FGFRL1: variants seen among roughly 807,000 people sequenced by gnomAD.
FGFRL1 encodes fibroblast growth factor receptor like 1, also known as fibroblast growth factor receptor-like 1.
Under a neutral mutation model 36.8 loss-of-function variants are expected in FGFRL1, and 24 were observed. The ratio of observed to expected loss-of-function variants is 0.65; its 90% CI spans 0.47 to 0.92. FGFRL1 has a LOEUF of 0.92. FGFRL1 is among the 40% of genes least tolerant of loss of function. The pLI is 0.00. For synonymous variants in FGFRL1, 422 were observed against 344.1 expected (o/e 1.23, Z -2.50); for missense variants, 785 against 753.4 (o/e 1.04, Z -0.49).
In FGFRL1 at chr4:1,019,155, T is replaced by C. The variant is rs901226817; in HGVS notation, c.80-3048T>C. 3.3e-5 allele frequency among the ~76,000 whole-genome samples: 5 copies of C among 152,220 alleles called. No homozygotes were observed. In the East Asian group the frequency reaches 7.7e-4, roughly 23 times the overall value. ...GGACCCTTACCTCACCAAGCCTTGC[T>C]TGTATCTGCCTGGGGCAGGGTGGGG... On this transcript the variant is annotated intron_variant, in intron 2 of 6. Coordinates refer to ENST00000510644, the MANE Select transcript of FGFRL1 (RefSeq NM_001004356.3).
chr4:1,024,279 A>T (rs757380523), intron 5 of FGFRL1, 32 bp from the exon 6 acceptor site: 2 of 1,556,406 alleles, frequency 1.3e-6, no homozygotes, highest in South Asian at 2.4e-5. Context: ...GGCGCGGCCC[A>T]GGAGCCATGC....
chr4:1,010,429 C>T (rs1046365526), upstream of FGFRL1, among the ~76,000 whole-genome samples: 1 of 152,248 alleles, frequency 6.6e-6, no homozygotes, highest in African/African-American at 2.4e-5. Flanking sequence ...GTAGTTCGGG[C>T]CTTGAGGAGT....
chr4:1,014,397 G>C (rs193267314), intron 2 of FGFRL1, among the ~76,000 whole-genome samples: 1 of 152,144 alleles, frequency 6.6e-6, no homozygotes, highest in Non-Finnish European at 1.5e-5. Flanking sequence ...GAAGGAAGTC[G>C]TTTCAGGGCT....
intron 2 of FGFRL1, among the ~76,000 whole-genome samples, chr4:1,015,622 G>A (rs1715848342): frequency 6.6e-6 from 1 of 152,238 alleles, no homozygotes; most frequent in Admixed American, 6.5e-5. Context: ...TGCCCATCTT[G>A]GCAGAAGGCT....
intron 1 of FGFRL1, 69 bp from the exon 2 acceptor site, chr4:1,012,401 G>T: frequency 6.5e-7 from 1 of 1,545,974 alleles, no homozygotes; most frequent in Non-Finnish European, 8.7e-7. Flanking sequence ...TGATCCCCGC[G>T]GCCCGGGACC....
rs1006853784 is a variant in FGFRL1, at chr4:1,023,096, C to G, written c.353-545C>G. Among the ~76,000 whole-genome samples the G allele has an allele frequency of 6.6e-6, 1 of 152,112 alleles. No homozygotes were observed. Reference sequence around the variant, plus strand: ...TACAGGAGCCTGGCCCAGGCCCCAGCAGGGTCTGGGGGTGCGGCCTGAGAC... The same window carrying G: ...TACAGGAGCCTGGCCCAGGCCCCAGGAGGGTCTGGGGGTGCGGCCTGAGAC... On this transcript the variant is annotated intron_variant, in intron 3 of 6. Transcript: ENST00000510644. The surrounding 1 kb of genome is among the most constrained non-coding windows in gnomAD (Gnocchi z 6.0).
At position 1,022,375 on chromosome 4, in the gene FGFRL1, G is replaced by T. The variant is rs748603105; in HGVS notation, c.252G>T (p.Leu84=). 3.1e-6 allele frequency: 5 copies of T among 1,610,946 alleles called. No individual in the cohort carries two copies. The highest frequency in any genetic ancestry group is 1.7e-4 in the Middle Eastern group (1 of 6,032). The change falls in exon 3 of 7, where the codon CTG becomes CTT. Residue 84 remains leucine (L), a synonymous_variant. Transcript: ENST00000510644. ...GCTTCCGCGTGCTGCCGCAGGGGCT[G>T]AAGGTGAAGCAGGTGGAGCGGGAGG... ...WSRFRVLPQG[L]KVKQVEREDA... is the part of the protein sequence containing the mutation.
rs560907606 is a variant in FGFRL1 at position 1,012,608 on chromosome 4, G to A, written c.79+44G>A. On this transcript the variant is annotated intron_variant, in intron 2 of 6. Transcript: ENST00000510644. Reference sequence around the variant, plus strand: ...CCCGGCCAGCCTGGCCTCCGCCAGCGCCGCCCCCTTCCCGCCCGGCCCTGA... The same window carrying A: ...CCCGGCCAGCCTGGCCTCCGCCAGCACCGCCCCCTTCCCGCCCGGCCCTGA... 37 of 938,426 alleles carry A rather than the reference G, an allele frequency of 3.9e-5. No homozygotes were observed. In the East Asian group the frequency reaches 9.4e-4, roughly 24 times the overall value. 58.1% of individuals were successfully genotyped at this position (938,426 alleles called of 1,614,324 possible).
At chr4:1,013,030 C>T (rs1715687628) in intron 2 of FGFRL1, among the ~76,000 whole-genome samples, 1 of 152,108 alleles carries the variant, frequency 6.6e-6, no homozygotes, top group Non-Finnish European at 1.5e-5. Flanking sequence ...TGAAACTGAC[C>T]CCCAGACCCC....
At chr4:1,024,159 G>C in intron 5 of FGFRL1, 58 bp downstream of exon 5, 4 of 1,196,980 alleles carry the variant, frequency 3.3e-6, no homozygotes, top group Admixed American at 7.4e-5. Context: ...GGGCGCTGGC[G>C]GGCGGGGGTG....
At position 1,026,723 on chromosome 4, in the gene FGFRL1, G is replaced by A. The variant is rs915499383; in HGVS notation, c.*1376G>A. 1.0e-5 allele frequency: 4 copies of A among 397,036 alleles called. No homozygotes were observed. The highest frequency in any genetic ancestry group is 7.8e-5 in the East Asian group (1 of 12,812). The allele number at this position is 397,036 out of a possible 1,614,324, so 24.6% of individuals were successfully genotyped here. ...GGGACTGTGGTCTCTCCTGGGGCCC[G>A]GGACCCGCCTGGTCTTTCAGCCATG... On this transcript the variant is annotated 3_prime_UTR_variant, in exon 7 of 7. Transcript: ENST00000510644.
At chr4:1,015,005 C>T (rs1449489837) in intron 2 of FGFRL1, among the ~76,000 whole-genome samples, 2 of 152,244 alleles carry the variant, frequency 1.3e-5, no homozygotes, top group Non-Finnish European at 2.9e-5. Flanking sequence ...CGCTGCGGCC[C>T]TGTCAGGGGA....
Position 1,023,352 on chromosome 4 carries a change from GC to G in FGFRL1, c.353-286del, listed in dbSNP as rs1716298564. ...TAGGGTTACTGCAGCTGCTGGCCGG[GC>G]CCGGCTCCCTCCTCCCCCGGGGCCT... On this transcript the variant is annotated intron_variant, in intron 3 of 6. Coordinates refer to ENST00000510644, the MANE Select transcript of FGFRL1 (RefSeq NM_001004356.3). This position sits in a 1 kb window ranked among gnomAD's most constrained non-coding sequence, Gnocchi z 6.0. 6.6e-6 allele frequency among the ~76,000 whole-genome samples: 1 copy of G among 152,098 alleles called. No homozygotes were observed. The highest frequency in any genetic ancestry group is 2.4e-5 in the African/African-American group (1 of 41,424).
chr4:1,015,662 G>T (rs1715850720), intron 2 of FGFRL1, among the ~76,000 whole-genome samples: 1 of 152,240 alleles, frequency 6.6e-6, no homozygotes, highest in Non-Finnish European at 1.5e-5. Flanking sequence ...GCTGTTAAGG[G>T]GCTGAGGGGT....
At position 1,025,453 on chromosome 4, in the gene FGFRL1, A is replaced by G. The variant is rs61007088; in HGVS notation, c.*106A>G. The G allele has an allele frequency of 6.8e-4, 928 of 1,363,506 alleles. 8 individuals are homozygous for G. In the African/African-American group the frequency reaches 0.012, roughly 18 times the overall value. 84.5% of individuals were successfully genotyped at this position (1,363,506 alleles called of 1,614,324 possible). On this transcript the variant is annotated 3_prime_UTR_variant, in exon 7 of 7. Transcript: ENST00000510644. Reference sequence around the variant, plus strand: ...AGGCAGGGGACCCATGGCGAGGAGGAATGGCCAGCACCCCAGGCAGTCTGT... The same window carrying G: ...AGGCAGGGGACCCATGGCGAGGAGGGATGGCCAGCACCCCAGGCAGTCTGT...
chr4:1,012,668 C>T (rs1022176084), intron 2 of FGFRL1, 104 bp downstream of exon 2: 3 of 465,856 alleles, frequency 6.4e-6, no homozygotes, highest in Non-Finnish European at 1.1e-5. Context: ...ACGCGCCATG[C>T]CCCGCCCCTG....
chr4:1,025,274 ACACACACACACACTCT>A lies in FGFRL1; in HGVS notation c.1452_1467del (p.Ser486ThrfsTer89). On this transcript the variant is annotated frameshift_variant, in exon 7 of 7. Transcript: ENST00000510644. LOFTEE classifies it high-confidence loss of function. ...AAACTCTACACAGACATCCACACAC[ACACACACACACACTCT>A]CACACACACTCACACGTGGAGGGCA... The A allele has an allele frequency of 6.3e-7, 1 of 1,586,894 alleles. No homozygotes were observed. The highest frequency in any genetic ancestry group is 8.6e-7 in the Non-Finnish European group (1 of 1,165,038).
chr4:1,025,490 A>G lies in FGFRL1; in HGVS notation c.*143A>G, dbSNP rs1716469623. On this transcript the variant is annotated 3_prime_UTR_variant, in exon 7 of 7. Transcript: ENST00000510644. ...CCCAGGCAGTCTGTGTGTGAGGCAT[A>G]GCCCCTGGACACACACACACAGACA... is the stretch of plus-strand genomic sequence containing the variant. The G allele has an allele frequency of 2.8e-5, 27 of 978,036 alleles. No individual in the cohort carries two copies. In the South Asian group the frequency reaches 4.2e-4, roughly 15 times the overall value. The allele number at this position is 978,036 out of a possible 1,614,324, so 60.6% of individuals were successfully genotyped here.
rs1240126943 is a variant in FGFRL1, at chr4:1,024,684, C to CGCCACACCAT, written c.1072+23_1072+32dup. The CGCCACACCAT allele has an allele frequency of 3.2e-6, 5 of 1,580,030 alleles. No individual in the cohort carries two copies. The highest frequency in any genetic ancestry group is 4.3e-6 in the Non-Finnish European group (5 of 1,161,624). On this transcript the variant is annotated intron_variant, in intron 6 of 6. Transcript: ENST00000510644. ...TGCCAGGTGCGCGGCTGCCACGCCA[C>CGCCACACCAT]GCCACACCATGCTGGTGCCCGGACC...
Sources: allele counts gnomAD v4.1 joint callset (sites outside exome capture counted in the v4.1 genomes callset), GRCh38; gene constraint gnomAD v4.1.1; non-coding constraint Gnocchi (gnomAD v3.1); transcripts MANE v1.5; gene names NCBI Gene and HGNC (gene_info 2026-07-23, HGNC 2026-07-21).